The following GRIN2B variants were observed in gnomAD, a reference collection of about 807,000 sequenced individuals.
GRIN2B encodes glutamate ionotropic receptor NMDA type subunit 2B, also known as glutamate receptor ionotropic, NMDA 2B.
GRIN2B carries 5 observed loss-of-function variants against 114.5 expected under a neutral mutation model. That is an observed-to-expected ratio of 0.04 (90% confidence interval 0.02 to 0.09). The LOEUF (loss-of-function observed/expected upper bound fraction) is 0.09, where lower values mean the gene tolerates loss of function less well. Among genes scored for constraint, GRIN2B ranks in the 10% least tolerant of loss-of-function variants. The probability of loss-of-function intolerance (pLI) is 1.00; values close to 1 mark genes in which losing one functional copy is unlikely to be tolerated. For synonymous variants in GRIN2B, 787 were observed against 745.1 expected (o/e 1.06, Z -0.92); for missense variants, 1,108 against 1,943.5 (o/e 0.57, Z 8.08).
At chr12:13,614,123 C>T (rs1949403555) in intron 8 of GRIN2B, among the ~76,000 whole-genome samples, 1 of 151,270 alleles carries the variant, frequency 6.6e-6, no homozygotes, top group African/African-American at 2.4e-5. Context: ...ATTGGCAAGG[C>T]TGGAATTTGC....
chr12:13,906,193 C>A (rs1253282578), intron 2 of GRIN2B, among the ~76,000 whole-genome samples: 1 of 152,198 alleles, frequency 6.6e-6, no homozygotes, highest in Admixed American at 6.5e-5. Context: ...AATAGCCACA[C>A]AGCCATATTC....
At chr12:13,892,600 G>C (rs776865410) in intron 2 of GRIN2B, among the ~76,000 whole-genome samples, 1 of 152,188 alleles carries the variant, frequency 6.6e-6, no homozygotes, top group Non-Finnish European at 1.5e-5. Context: ...CCAACAGCTT[G>C]CTTATTCCAC....
intron 3 of GRIN2B, among the ~76,000 whole-genome samples, chr12:13,804,004 C>T (rs1864559404): frequency 6.6e-6 from 1 of 152,174 alleles, no homozygotes; most frequent in Non-Finnish European, 1.5e-5. Flanking sequence ...TCACTAAGTA[C>T]TTTATTCACC....
At chr12:13,768,765 T>G (rs1021815603) in intron 3 of GRIN2B, among the ~76,000 whole-genome samples, 1 of 152,240 alleles carries the variant, frequency 6.6e-6, no homozygotes, top group South Asian at 2.1e-4. Context: ...GCCGGCACGG[T>G]GGCTCACGCC....
chr12:13,772,592 A>G (rs1322137228), intron 3 of GRIN2B, among the ~76,000 whole-genome samples: 1 of 152,202 alleles, frequency 6.6e-6, no homozygotes, highest in African/African-American at 2.4e-5. Flanking sequence ...CTAAGCACAC[A>G]CATAAAATAA....
At chr12:13,613,869 G>C (rs1949398188) in intron 8 of GRIN2B, among the ~76,000 whole-genome samples, 1 of 152,060 alleles carries the variant, frequency 6.6e-6, no homozygotes, top group Admixed American at 6.5e-5. Flanking sequence ...AACACACCCT[G>C]CCTGACATTT....
chr12:13,621,618 T>TTTG (rs1949516652), intron 5 of GRIN2B, among the ~76,000 whole-genome samples: 3 of 141,814 alleles, frequency 2.1e-5, no homozygotes, highest in African/African-American at 8.3e-5. Flanking sequence ...TTTTTGTTTT[T>TTTG]TTTTTTTTTT....
At chr12:13,961,012 G>A (rs1390022791) in intron 2 of GRIN2B, among the ~76,000 whole-genome samples, 3 of 152,112 alleles carry the variant, frequency 2.0e-5, no homozygotes, top group Non-Finnish European at 4.4e-5. Context: ...GAGTGGGGTG[G>A]GTGCTTGTGA....
chr12:13,731,080 C>T (rs1467083490), intron 4 of GRIN2B, among the ~76,000 whole-genome samples: 3 of 152,156 alleles, frequency 2.0e-5, no homozygotes, highest in Admixed American at 1.3e-4. Context: ...TTTCTAGATA[C>T]TCTTCTCCTG....
chr12:13,652,813 A>C (rs1038867136), intron 5 of GRIN2B, among the ~76,000 whole-genome samples: 1 of 152,180 alleles, frequency 6.6e-6, no homozygotes, highest in Non-Finnish European at 1.5e-5. Context: ...GAGAATTACT[A>C]AAAAGGCTGA....
chr12:13,611,942 G>T, intron 8 of GRIN2B, 92 bp from the exon 9 acceptor site: 1 of 1,347,632 alleles, frequency 7.4e-7, no homozygotes, highest in Non-Finnish European at 1.1e-6. Flanking sequence ...TTTAGGGGGT[G>T]GGGAACAAAC....
intron 5 of GRIN2B, among the ~76,000 whole-genome samples, chr12:13,672,244 GAA>G (rs1412686791): frequency 6.6e-6 from 1 of 152,098 alleles, no homozygotes; most frequent in East Asian, 1.9e-4. Context: ...GAAAAATGTA[GAA>G]AAGTGAAAAA....
At chr12:13,718,490 G>A (rs886730137) in intron 4 of GRIN2B, among the ~76,000 whole-genome samples, 1 of 152,060 alleles carries the variant, frequency 6.6e-6, no homozygotes, top group East Asian at 1.9e-4. Context: ...GTGGGGTGAG[G>A]AGAAGCCGGA....
At chr12:13,893,826 T>TAA (rs74598276) in intron 2 of GRIN2B, among the ~76,000 whole-genome samples, 179 of 151,592 alleles carry the variant, frequency 1.2e-3, no homozygotes, top group Middle Eastern at 3.4e-3. Context: ...TGACTTTTTT[T>TAA]AAAAAAAAGA....
chr12:13,944,087 A>C (rs1477377009), intron 2 of GRIN2B, among the ~76,000 whole-genome samples: 1 of 152,160 alleles, frequency 6.6e-6, no homozygotes, highest in African/African-American at 2.4e-5. Context: ...AGACAATCTC[A>C]AATTTATATG....
chr12:13,592,502 C>A (rs1225545837), intron 10 of GRIN2B, among the ~76,000 whole-genome samples: 2 of 152,186 alleles, frequency 1.3e-5, no homozygotes, highest in Admixed American at 6.5e-5. Flanking sequence ...ATAAATCTGC[C>A]TTTCTTTACC....
chr12:13,840,426 C>T (rs1254100371), intron 3 of GRIN2B, among the ~76,000 whole-genome samples: 1 of 152,114 alleles, frequency 6.6e-6, no homozygotes, highest in Non-Finnish European at 1.5e-5. Context: ...GATTCGTAGA[C>T]AAAGATACCT....
intron 3 of GRIN2B, among the ~76,000 whole-genome samples, chr12:13,796,109 C>T: frequency 6.7e-6 from 1 of 150,018 alleles, no homozygotes; most frequent in Admixed American, 6.6e-5. Context: ...AAACAGCTTT[C>T]CAGTGTATGG....
At chr12:13,924,568 C>A (rs184146717) in intron 2 of GRIN2B, among the ~76,000 whole-genome samples, 137 of 152,282 alleles carry the variant, frequency 9.0e-4, no homozygotes, top group Non-Finnish European at 1.4e-3. Flanking sequence ...TCTAACCTCA[C>A]CCTCCTGACT....
Sources: allele counts gnomAD v4.1 joint callset (sites outside exome capture counted in the v4.1 genomes callset), GRCh38; gene constraint gnomAD v4.1.1; transcripts MANE v1.5; gene names NCBI Gene and HGNC (gene_info 2026-07-23, HGNC 2026-07-21).